The following GLIS1 variants were observed in gnomAD, a reference collection of about 807,000 sequenced individuals.
GLIS1 encodes the protein zinc finger protein GLIS1.
A neutral mutation model predicts 63.8 loss-of-function variants in GLIS1; 24 were observed. The observed-to-expected ratio is 0.38, with a 90% CI of 0.27 to 0.53. The LOEUF (loss-of-function observed/expected upper bound fraction) is 0.53. Ranked by LOEUF, GLIS1 falls within the 20% of genes least tolerant of loss-of-function variation. GLIS1 has a pLI of 0.85. For missense variants in GLIS1, 1,036 were observed against 1,074.1 expected, an observed-to-expected ratio of 0.96 and a Z score of 0.50; for synonymous variants, 450 against 482.5, an observed-to-expected ratio of 0.93 and a Z score of 0.88.
intron 2 of GLIS1, among the ~76,000 whole-genome samples, chr1:53,620,866 C>T (rs1049220873): frequency 1.3e-5 from 2 of 152,230 alleles, no homozygotes; most frequent in Non-Finnish European, 2.9e-5. Context: ...CACACCGTAT[C>T]CAGATCTCAG....
At chr1:53,654,774 C>T (rs1248615842) in intron 2 of GLIS1, among the ~76,000 whole-genome samples, 1 of 152,084 alleles carries the variant, frequency 6.6e-6, no homozygotes, top group Non-Finnish European at 1.5e-5. Flanking sequence ...GGAGCAGCGT[C>T]GTGCCGCTAC....
intron 4 of GLIS1, among the ~76,000 whole-genome samples, chr1:53,581,741 G>A (rs1645087350): frequency 1.3e-5 from 2 of 152,306 alleles, no homozygotes; most frequent in Admixed American, 1.3e-4. Flanking sequence ...AGAGCCAGAG[G>A]TGGAAATGAA....
At chr1:53,615,219 G>A (rs1645468369) in intron 2 of GLIS1, among the ~76,000 whole-genome samples, 1 of 152,136 alleles carries the variant, frequency 6.6e-6, no homozygotes, top group Non-Finnish European at 1.5e-5. Flanking sequence ...GAACTGCTGG[G>A]TATCCTTCCC....
intron 2 of GLIS1, among the ~76,000 whole-genome samples, chr1:53,647,383 C>G (rs1253531934): frequency 1.3e-5 from 2 of 152,084 alleles, no homozygotes; most frequent in African/African-American, 4.8e-5. Context: ...ACAGAGAATC[C>G]AGAAATAGAG....
chr1:53,558,556 ACTCT>A (rs1644855977), intron 4 of GLIS1, among the ~76,000 whole-genome samples: 2 of 151,098 alleles, frequency 1.3e-5, no homozygotes, highest in Middle Eastern at 3.4e-3. Flanking sequence ...TAACGATCTC[ACTCT>A]CTCAGGGCCA....
At chr1:53,736,881 C>G (rs1255758856) in intron 2 of GLIS1, among the ~76,000 whole-genome samples, 4 of 152,052 alleles carry the variant, frequency 2.6e-5, no homozygotes, top group African/African-American at 9.7e-5. Context: ...ACCGTAAAAC[C>G]CAAACTGTTT....
Position 53,539,018 on chromosome 1 carries a change from T to C in GLIS1, c.1321-9066A>G, listed in dbSNP as rs575678983. On this transcript the variant is annotated intron_variant, in intron 4 of 10. Transcript: ENST00000628545. The surrounding 1 kb of genome is among the most constrained non-coding windows in gnomAD (Gnocchi z 5.0). Reference sequence around the variant, plus strand: ...AGGTGGGATCCAGGGGCTCTCCCAGTGCAGAGCTGTGGCTAGACATCGTCT... The same window carrying C: ...AGGTGGGATCCAGGGGCTCTCCCAGCGCAGAGCTGTGGCTAGACATCGTCT... 6.6e-6 allele frequency among the ~76,000 whole-genome samples: 1 copy of C among 152,016 alleles called. No individual in the cohort carries two copies.
At chr1:53,506,949 G>C (rs556271462) in intron 10 of GLIS1, among the ~76,000 whole-genome samples, 173 bp from the exon 11 acceptor site, 1 of 152,158 alleles carries the variant, frequency 6.6e-6, no homozygotes, top group Admixed American at 6.5e-5. Context: ...GGCCGCTGGG[G>C]TGGGGCGAGG....
At chr1:53,737,704 C>A in intron 2 of GLIS1, 102 bp downstream of exon 2, 1 of 1,121,366 alleles carries the variant, frequency 8.9e-7, no homozygotes, top group Non-Finnish European at 1.1e-6. Context: ...CTGAGGAACT[C>A]CGAAGAAAGT....
chr1:53,663,814 G>A (rs111974473), intron 2 of GLIS1, among the ~76,000 whole-genome samples: 5,136 of 152,300 alleles, frequency 0.034, 218 homozygotes, highest in African/African-American at 0.096. Context: ...CCAGGCCAGC[G>A]GCGGGGCAGC....
At chr1:53,645,672 T>C (rs1047019353) in intron 2 of GLIS1, among the ~76,000 whole-genome samples, 1 of 152,224 alleles carries the variant, frequency 6.6e-6, no homozygotes, top group Non-Finnish European at 1.5e-5. Flanking sequence ...TGTGCTAAGT[T>C]GTTTCATGGT....
chr1:53,507,620 C>T (rs1001193606), intron 10 of GLIS1, among the ~76,000 whole-genome samples: 3 of 152,212 alleles, frequency 2.0e-5, no homozygotes, highest in East Asian at 3.8e-4. Flanking sequence ...GGCCTGCAGC[C>T]CCTGAAGCTT....
intron 2 of GLIS1, among the ~76,000 whole-genome samples, chr1:53,649,025 A>G (rs980490333): frequency 3.3e-5 from 5 of 152,072 alleles, no homozygotes; most frequent in African/African-American, 1.2e-4. Context: ...TTATTCATGG[A>G]TTTTTTTTCA....
At chr1:53,531,801 A>C (rs1644533882) in intron 4 of GLIS1, among the ~76,000 whole-genome samples, 2 of 152,182 alleles carry the variant, frequency 1.3e-5, no homozygotes, top group South Asian at 2.1e-4. Context: ...GAGCTTAGAC[A>C]GACATGTAGC....
chr1:53,565,144 A>G (rs1276877380), intron 4 of GLIS1, among the ~76,000 whole-genome samples: 1 of 152,068 alleles, frequency 6.6e-6, no homozygotes, highest in African/African-American at 2.4e-5. Flanking sequence ...CATCAATCAA[A>G]ACATTATAAT....
chr1:53,601,885 A>G (rs1273792715), intron 2 of GLIS1, among the ~76,000 whole-genome samples: 1 of 152,214 alleles, frequency 6.6e-6, no homozygotes, highest in Admixed American at 6.5e-5. Context: ...ACTCAGTGCT[A>G]ACTAGCCATG....
chr1:53,592,179 G>A (rs1034161363), intron 4 of GLIS1, among the ~76,000 whole-genome samples: 5 of 152,172 alleles, frequency 3.3e-5, no homozygotes, highest in Non-Finnish European at 7.3e-5. Flanking sequence ...AGTCTGCACT[G>A]AGTAACCCAG....
At chr1:53,514,023 A>G (rs951724023) in intron 8 of GLIS1, among the ~76,000 whole-genome samples, 7 of 152,252 alleles carry the variant, frequency 4.6e-5, no homozygotes, top group Non-Finnish European at 7.3e-5. Flanking sequence ...TTGGCAGATC[A>G]TGGTCCAGCA....
At chr1:53,727,593 A>G (rs1646818311) in intron 2 of GLIS1, among the ~76,000 whole-genome samples, 1 of 152,254 alleles carries the variant, frequency 6.6e-6, no homozygotes, top group African/African-American at 2.4e-5. Context: ...CCTGGCCAAG[A>G]GGCCAATGGT....
Sources: allele counts gnomAD v4.1 joint callset (sites outside exome capture counted in the v4.1 genomes callset), GRCh38; gene constraint gnomAD v4.1.1; non-coding constraint Gnocchi (gnomAD v3.1); transcripts MANE v1.5; gene names NCBI Gene and HGNC (gene_info 2026-07-23, HGNC 2026-07-21).